The following PLA2G4C variants were observed in gnomAD, a reference collection of about 807,000 sequenced individuals.
PLA2G4C encodes the protein cytosolic phospholipase A2 gamma.
Under a neutral mutation model 73.8 loss-of-function variants are expected in PLA2G4C, and 64 were observed. That is an observed-to-expected ratio of 0.87 (90% CI 0.71 to 1.07). The LOEUF (loss-of-function observed/expected upper bound fraction) is 1.07. Among genes scored for constraint, PLA2G4C ranks in the 50% least tolerant of loss-of-function variants. The pLI, the probability that PLA2G4C is intolerant of heterozygous loss-of-function variation, is 0.00. For synonymous variants in PLA2G4C, 254 were observed against 252.1 expected (o/e 1.01, Z -0.07); for missense variants, 622 against 665.4 (o/e 0.93, Z 0.72).
intron 13 of PLA2G4C, among the ~76,000 whole-genome samples, chr19:48,063,225 G>C (rs1968262804): frequency 6.6e-6 from 1 of 152,104 alleles, no homozygotes; most frequent in South Asian, 2.1e-4. Context: ...TGTATTTCTA[G>C]TAGAGACAAG....
intron 13 of PLA2G4C, among the ~76,000 whole-genome samples, chr19:48,063,304 A>C (rs2122490343): frequency 6.6e-6 from 1 of 152,148 alleles, no homozygotes; most frequent in South Asian, 2.1e-4. Flanking sequence ...TGCCTCCCAA[A>C]GTGCTGGCAT....
chr19:48,053,369 T>TC lies in PLA2G4C; in HGVS notation c.1430-223_1430-222insG, dbSNP rs797014917. ...GCCCCTTCCGGTCCTTTTTTCTTTTTTTTTTTTTTTTTTTTTTGAGACAGA... is the reference window on the plus strand; with the variant it reads ...GCCCCTTCCGGTCCTTTTTTCTTTTTCTTTTTTTTTTTTTTTTTGAGACAGA... On this transcript the variant is annotated intron_variant, in intron 15 of 16. Transcript: ENST00000599921. Among the ~76,000 whole-genome samples, 652 of 92,856 alleles carry TC rather than the reference T, an allele frequency of 7.0e-3. 6 individuals carry two copies. Among genetic ancestry groups the TC allele is most frequent in the African/African-American group, 0.019 (627 of 32,786 alleles). The allele number at this position is 92,856 out of a possible 152,430, so 60.9% of individuals were successfully genotyped here.
intron 1 of PLA2G4C, among the ~76,000 whole-genome samples, chr19:48,107,702 A>G (rs2032305195): frequency 6.6e-6 from 1 of 152,108 alleles, no homozygotes; most frequent in African/African-American, 2.4e-5. Context: ...AGTTATCCAG[A>G]GGCCTGACCA....
Position 48,097,453 on chromosome 19 carries a change from T to C in PLA2G4C, c.568+686A>G, listed in dbSNP as rs978554038. Among the ~76,000 whole-genome samples, 17 of 151,238 alleles carry C rather than the reference T, an allele frequency of 1.1e-4. No individual in the cohort carries two copies. The South Asian group carries it at 1.7e-3, about 15-fold the overall frequency. ...ATTTTTAGTAGAGACGGGGTTTCAC[T>C]GTGTTAGTCAGGATGGTCTTGATCT... On this transcript the variant is annotated intron_variant, in intron 6 of 16. Transcript: ENST00000599921.
At chr19:48,078,169 CT>C (rs2030296146) in intron 10 of PLA2G4C, among the ~76,000 whole-genome samples, 2 of 152,116 alleles carry the variant, frequency 1.3e-5, no homozygotes, top group African/African-American at 4.8e-5. Context: ...TCCCACATCC[CT>C]TTATGATTAA....
Position 48,106,906 on chromosome 19 carries a change from A to G in PLA2G4C, c.-32-345T>C, listed in dbSNP as rs573619123. 1.2e-4 allele frequency among the ~76,000 whole-genome samples: 19 copies of G among 152,094 alleles called. No homozygotes were observed. In the South Asian group the frequency reaches 3.3e-3, roughly 27 times the overall value. On this transcript the variant is annotated intron_variant, in intron 1 of 16. Transcript: ENST00000599921. ...GTTGACCAGGCTGGAGTGCATTGGC[A>G]TGATCTCGGCTCACTGCATCCTCCG...
At chr19:48,087,959 G>A (rs146448215) in intron 9 of PLA2G4C, among the ~76,000 whole-genome samples, 12 of 149,580 alleles carry the variant, frequency 8.0e-5, no homozygotes, top group Admixed American at 6.0e-4. Flanking sequence ...AAAAAATCTC[G>A]ATGCAACTCA....
At chr19:48,108,571 C>A (rs578208993) in intron 1 of PLA2G4C, among the ~76,000 whole-genome samples, 94 of 152,318 alleles carry the variant, frequency 6.2e-4, no homozygotes, top group Admixed American at 2.7e-3. Flanking sequence ...GCAGGTCATT[C>A]TTCAACCCAC....
intron 5 of PLA2G4C, among the ~76,000 whole-genome samples, chr19:48,098,477 C>T (rs1270738219): frequency 2.0e-5 from 3 of 151,682 alleles, no homozygotes; most frequent in Admixed American, 6.6e-5. Context: ...AGATGCATGT[C>T]ACCATGCCCG....
intron 8 of PLA2G4C, 23 bp downstream of exon 8, chr19:48,090,341 C>T (rs761216733): frequency 1.5e-5 from 24 of 1,558,018 alleles, no homozygotes; most frequent in Admixed American, 1.2e-4. Context: ...AGGGTTTGAC[C>T]TTTCTGTTCC....
intron 9 of PLA2G4C, among the ~76,000 whole-genome samples, chr19:48,088,374 G>GA (rs55813203): frequency 0.44 from 64,499 of 146,540 alleles, 14,088 homozygotes; most frequent in East Asian, 0.58. Flanking sequence ...GCGGAAAAAA[G>GA]AAAAAAAAAA....
At position 48,092,210 on chromosome 19, in the gene PLA2G4C, C is replaced by T. The variant is rs544915444; in HGVS notation, c.710-1793G>A. Among the ~76,000 whole-genome samples, 18 of 152,236 alleles carry T rather than the reference C, an allele frequency of 1.2e-4. 1 individual carries two copies. In the East Asian group the frequency reaches 2.9e-3, roughly 25 times the overall value. ...AATTACAGGCATGCACCACCATGCC[C>T]GGCTAATTTTGTATTTTTTGTAGAG... On this transcript the variant is annotated intron_variant, in intron 7 of 16. Transcript: ENST00000599921.
At chr19:48,079,625 G>A (rs1170684599) in intron 10 of PLA2G4C, among the ~76,000 whole-genome samples, 3 of 152,142 alleles carry the variant, frequency 2.0e-5, no homozygotes, top group East Asian at 1.9e-4. Flanking sequence ...TGTTGGCTTA[G>A]GCAACGAGTT....
At chr19:48,098,071 A>T (rs1466106649) in intron 6 of PLA2G4C, 68 bp downstream of exon 6, 1 of 1,541,274 alleles carries the variant, frequency 6.5e-7, no homozygotes. Context: ...GCAGGGAAAC[A>T]TTCTTCCATT....
chr19:48,052,752 C>T (rs1260612651), intron 16 of PLA2G4C, among the ~76,000 whole-genome samples: 1 of 152,144 alleles, frequency 6.6e-6, no homozygotes, highest in Non-Finnish European at 1.5e-5. Flanking sequence ...GTGAAGCCAC[C>T]CAGCTAGTGG....
intron 8 of PLA2G4C, among the ~76,000 whole-genome samples, chr19:48,090,006 T>C (rs1006382274): frequency 7.9e-5 from 12 of 152,218 alleles, no homozygotes; most frequent in African/African-American, 2.9e-4. Flanking sequence ...AGTGCCGTTA[T>C]CTACCAGGCA....
At chr19:48,102,890 C>T (rs538424841) in intron 4 of PLA2G4C, among the ~76,000 whole-genome samples, 13 of 152,276 alleles carry the variant, frequency 8.5e-5, no homozygotes, top group Admixed American at 7.2e-4. Context: ...AGGACCTCCT[C>T]ACACACATCC....
Position 48,078,665 on chromosome 19 carries a change from G to C in PLA2G4C, c.845-841C>G, listed in dbSNP as rs544563086. 5.5e-4 allele frequency among the ~76,000 whole-genome samples: 84 copies of C among 152,268 alleles called. No homozygotes were observed. The South Asian group carries it at 0.017, about 30-fold the overall frequency. ...ATACTCAGGAATATACCTAACCAAGGAGGTGAAAGACTGCTACAAGGAAAA... is the reference window on the plus strand; with the variant it reads ...ATACTCAGGAATATACCTAACCAAGCAGGTGAAAGACTGCTACAAGGAAAA... On this transcript the variant is annotated intron_variant, in intron 10 of 16. Coordinates refer to ENST00000599921, the MANE Select transcript of PLA2G4C (RefSeq NM_003706.3).
At chr19:48,054,766 T>C in intron 15 of PLA2G4C, 112 bp downstream of exon 15, 2 of 1,032,826 alleles carry the variant, frequency 1.9e-6, no homozygotes, top group Non-Finnish European at 2.9e-6. Context: ...GAACTGTGAG[T>C]CAATTAAACC....
Sources: allele counts gnomAD v4.1 joint callset (sites outside exome capture counted in the v4.1 genomes callset), GRCh38; gene constraint gnomAD v4.1.1; transcripts MANE v1.5; gene names NCBI Gene and HGNC (gene_info 2026-07-23, HGNC 2026-07-21).